CLIP2: variants seen among roughly 807,000 people sequenced by gnomAD.
CLIP2 encodes the protein CAP-Gly domain containing linker protein 2.
A neutral mutation model predicts 111.7 loss-of-function variants in CLIP2; 41 were observed. The ratio of observed to expected loss-of-function variants is 0.37; its 90% CI spans 0.29 to 0.48. CLIP2 has a LOEUF of 0.48. Among genes scored for constraint, CLIP2 ranks in the 20% least tolerant of loss-of-function variants. The pLI is 0.99. For synonymous variants in CLIP2, 660 were observed against 644.2 expected (o/e 1.02, Z -0.37); for missense variants, 1,160 against 1,422.1 (o/e 0.82, Z 2.96).
chr7:74,325,107 G>A (rs1486173959), intron 2 of CLIP2, among the ~76,000 whole-genome samples: 2 of 152,192 alleles, frequency 1.3e-5, no homozygotes, highest in Non-Finnish European at 2.9e-5. Context: ...CCCAAAACAT[G>A]AGCTCAGCCT....
intron 6 of CLIP2, among the ~76,000 whole-genome samples, chr7:74,358,568 CTT>C (rs11321496): frequency 3.0e-4 from 44 of 147,972 alleles, no homozygotes; most frequent in South Asian, 1.7e-3. Context: ...CCTCATCATT[CTT>C]TTTTTTTTTT....
At chr7:74,401,674 A>C in intron 16 of CLIP2, 107 bp downstream of exon 16, 1 of 1,187,150 alleles carries the variant, frequency 8.4e-7, no homozygotes, top group South Asian at 1.3e-5. Context: ...ATTCTGCAAG[A>C]AGCTTTACAG....
chr7:74,357,218 G>A, intron 5 of CLIP2, 62 bp from the exon 6 acceptor site: 1 of 1,473,438 alleles, frequency 6.8e-7, no homozygotes, highest in Non-Finnish European at 9.5e-7. Context: ...GCTGGACAGA[G>A]CCAGTCTGCC....
intron 3 of CLIP2, among the ~76,000 whole-genome samples, chr7:74,351,755 G>T (rs1055834067): frequency 2.0e-5 from 3 of 152,194 alleles, no homozygotes; most frequent in Non-Finnish European, 4.4e-5. Context: ...AGAACCGCTT[G>T]AACCTGGGAG....
intron 9 of CLIP2, among the ~76,000 whole-genome samples, chr7:74,375,095 T>C (rs193077487): frequency 1.7e-4 from 26 of 152,260 alleles, no homozygotes; most frequent in Admixed American, 1.4e-3. Context: ...CAAAGAACTT[T>C]AACTCAGTTG....
intron 4 of CLIP2, 51 bp downstream of exon 4, chr7:74,354,055 G>A (rs1554308056): frequency 6.4e-7 from 1 of 1,565,326 alleles, no homozygotes; most frequent in South Asian, 1.2e-5. Context: ...TCTCCCCAGG[G>A]TGGGCGCAGG....
chr7:74,386,679 G>A, intron 12 of CLIP2, 75 bp downstream of exon 12: 1 of 1,235,984 alleles, frequency 8.1e-7, no homozygotes, highest in South Asian at 1.4e-5. Flanking sequence ...AATTAAGCAT[G>A]GAGTGGGTCA....
chr7:74,359,910 CAG>C (rs1411608171), intron 6 of CLIP2, among the ~76,000 whole-genome samples: 5 of 152,216 alleles, frequency 3.3e-5, no homozygotes, highest in Non-Finnish European at 7.3e-5. Flanking sequence ...TGCAAGATAA[CAG>C]GTCTTAGGCT....
chr7:74,399,266 G>A (rs1024708702), intron 14 of CLIP2, among the ~76,000 whole-genome samples: 8 of 152,048 alleles, frequency 5.3e-5, no homozygotes, highest in Non-Finnish European at 1.0e-4. Context: ...TGCTGGGTGC[G>A]GTGGCTCATG....
At chr7:74,299,446 C>CCATA (rs1245349071) in intron 1 of CLIP2, among the ~76,000 whole-genome samples, 2 of 152,230 alleles carry the variant, frequency 1.3e-5, no homozygotes, top group African/African-American at 4.8e-5. Flanking sequence ...CTCTCCCCAC[C>CCATA]CATAGTAGTG....
Position 74,405,895 on chromosome 7 carries a change from A to G in CLIP2, c.*2047A>G, listed in dbSNP as rs1791764166. On this transcript the variant is annotated 3_prime_UTR_variant, in exon 17 of 17. Coordinates refer to ENST00000223398, the MANE Select transcript of CLIP2 (RefSeq NM_003388.5). Reference sequence around the variant, plus strand: ...ACAGTGGAATTGTTGAAGTGTGGCGAGTCTGTGCTCGGGACAATAAAGCTT... The same window carrying G: ...ACAGTGGAATTGTTGAAGTGTGGCGGGTCTGTGCTCGGGACAATAAAGCTT... 6.6e-6 allele frequency: 1 copy of G among 152,242 alleles called. No individual in the cohort carries two copies. The highest frequency in any genetic ancestry group is 1.5e-5 in the Non-Finnish European group (1 of 68,048). 9.4% of individuals were successfully genotyped at this position (152,242 alleles called of 1,614,324 possible).
intron 7 of CLIP2, among the ~76,000 whole-genome samples, chr7:74,361,638 C>T (rs1217855574): frequency 6.6e-6 from 1 of 152,168 alleles, no homozygotes; most frequent in Non-Finnish European, 1.5e-5. Flanking sequence ...CCACCTCAGC[C>T]TTCCAGGTAA....
Position 74,376,309 on chromosome 7 carries a change from C to G in CLIP2, c.1908C>G (p.Asn636Lys). The G allele has an allele frequency of 6.2e-7, 1 of 1,613,898 alleles. No individual in the cohort carries two copies. Among genetic ancestry groups the G allele is most frequent in the Non-Finnish European group, 8.5e-7 (1 of 1,180,010 alleles). Residue 636 changes from asparagine to lysine, a missense_variant, in exon 10 of 17, where the codon AAC becomes AAG. Physicochemically the swap from Asn to Lys is moderately conservative, Grantham distance 94. Coordinates refer to ENST00000223398, the MANE Select transcript of CLIP2 (RefSeq NM_003388.5). The surrounding 1 kb of genome is among the most constrained non-coding windows in gnomAD (Gnocchi z 7.1). ...KSLEDLKATL[N>K]SGPGAQQKEI... ...TGGAGGACCTCAAAGCCACCCTGAA[C>G]TCGGGCCCAGGCGCCCAGCAGAAGG...
At chr7:74,328,082 G>A (rs1283201745) in intron 2 of CLIP2, among the ~76,000 whole-genome samples, 3 of 152,120 alleles carry the variant, frequency 2.0e-5, no homozygotes, top group Non-Finnish European at 4.4e-5. Context: ...TGCAGAGGCT[G>A]GGCCTGGGGT....
intron 16 of CLIP2, 71 bp downstream of exon 16, chr7:74,401,638 G>A (rs1177571709): frequency 1.3e-5 from 19 of 1,452,576 alleles, no homozygotes; most frequent in African/African-American, 4.2e-5. Flanking sequence ...TCCTTGAAAC[G>A]TCACTAAGAA....
Position 74,313,509 on chromosome 7 carries a change from G to A in CLIP2, c.-67-3971G>A, listed in dbSNP as rs570147821. On this transcript the variant is annotated intron_variant, in intron 1 of 16. Coordinates refer to ENST00000223398, the MANE Select transcript of CLIP2 (RefSeq NM_003388.5). ...CGGAAGGCAGAGCTTGCAGTGAGCC[G>A]AGATTGCGCCACTGCACTCCAGCCT... 4.0e-5 allele frequency among the ~76,000 whole-genome samples: 6 copies of A among 151,536 alleles called. 2 individuals carry two copies. In the East Asian group the frequency reaches 5.9e-4, roughly 15 times the overall value.
rs1437183633 is a variant in CLIP2, at chr7:74,317,543, C to CG, written c.-3dup. 1 of 1,424,896 alleles carries CG rather than the reference C, an allele frequency of 7.0e-7. No homozygotes were observed. Among genetic ancestry groups the CG allele is most frequent in the African/African-American group, 1.5e-5 (1 of 68,008 alleles). 88.3% of individuals were successfully genotyped at this position (1,424,896 alleles called of 1,614,324 possible). A position where few individuals can be genotyped will look rare whatever the true frequency, so the allele number is the denominator to read the frequency against. ...CCCTTGTCCACCTGCCCAGTGGCAC[C>CG]GCCATGCAGAAGCCCAGCGGCCTGA... On this transcript the variant is annotated 5_prime_UTR_variant, in exon 2 of 17. Coordinates refer to ENST00000223398, the MANE Select transcript of CLIP2 (RefSeq NM_003388.5).
chr7:74,386,332 G>A (rs1554314776), intron 11 of CLIP2, 189 bp from the exon 12 acceptor site: 26 of 473,066 alleles, frequency 5.5e-5, no homozygotes, highest in Non-Finnish European at 9.3e-5. Flanking sequence ...GAGCCACCAC[G>A]CCCGGCCAGT....
chr7:74,360,035 T>G, intron 6 of CLIP2, 140 bp from the exon 7 acceptor site: 1 of 641,864 alleles, frequency 1.6e-6, no homozygotes. Flanking sequence ...CCACTGTGCA[T>G]GCCCGGCAGG....
Sources: allele counts gnomAD v4.1 joint callset (sites outside exome capture counted in the v4.1 genomes callset), GRCh38; gene constraint gnomAD v4.1.1; non-coding constraint Gnocchi (gnomAD v3.1); transcripts MANE v1.5; gene names NCBI Gene and HGNC (gene_info 2026-07-23, HGNC 2026-07-21).